The following IQCK variants were observed in gnomAD, a reference collection of about 807,000 sequenced individuals.
The protein encoded by IQCK is IQ motif containing K, also known as IQ domain-containing protein K.
In IQCK, 29 loss-of-function variants were observed where a neutral mutation model predicts 28.1. The observed-to-expected ratio is 1.03, with a 90% CI of 0.77 to 1.41. The LOEUF is 1.41. Ranked by LOEUF, IQCK falls within the 40% of genes most tolerant of loss-of-function variation. The pLI is 0.00. For missense variants in IQCK, 359 were observed against 314.7 expected (o/e 1.14, Z -1.07); for synonymous variants, 113 against 115.1 (o/e 0.98, Z 0.12).
chr16:19,816,304 C>T lies in IQCK; in HGVS notation c.691-10722C>T, dbSNP rs567696820. Reference sequence around the variant, plus strand: ...ACAGCAACACTTCTTTTTTTTGAGACGGAGTCTTACTCTGTCACCCAGGCT... The same window carrying T: ...ACAGCAACACTTCTTTTTTTTGAGATGGAGTCTTACTCTGTCACCCAGGCT... On this transcript the variant is annotated intron_variant, in intron 7 of 7. Coordinates refer to ENST00000564186, the Ensembl canonical transcript of IQCK. Among the ~76,000 whole-genome samples, 15 of 152,204 alleles carry T rather than the reference C, an allele frequency of 9.9e-5. No individual in the cohort carries two copies. The South Asian group carries it at 1.0e-3, about 11-fold the overall frequency.
downstream of IQCK, among the ~76,000 whole-genome samples, chr16:19,828,759 C>T (rs1388502758): frequency 1.3e-5 from 2 of 148,688 alleles, no homozygotes; most frequent in African/African-American, 2.5e-5. Context: ...CACCTGTAAT[C>T]CCAGCTACTT....
chr16:19,739,825 A>G (rs2054807281), intron 4 of IQCK, among the ~76,000 whole-genome samples: 1 of 152,082 alleles, frequency 6.6e-6, no homozygotes, highest in Non-Finnish European at 1.5e-5. Flanking sequence ...AAAAAAAAAA[A>G]GAGGAGCCCT....
intron 4 of IQCK, chr16:19,736,161 T>C (rs1171148786): frequency 6.6e-6 from 3 of 455,792 alleles, no homozygotes; most frequent in Admixed American, 2.3e-5. Context: ...CTGTCATGAA[T>C]GTAAACTGCT....
chr16:19,814,060 A>G (rs2055943782), intron 7 of IQCK, among the ~76,000 whole-genome samples: 1 of 152,008 alleles, frequency 6.6e-6, no homozygotes, highest in African/African-American at 2.4e-5. Flanking sequence ...TCTACTAAAA[A>G]TACAAAAAAA....
chr16:19,826,498 C>A (rs1327577815), intron 7 of IQCK, among the ~76,000 whole-genome samples: 2 of 152,146 alleles, frequency 1.3e-5, no homozygotes, highest in Non-Finnish European at 2.9e-5. Flanking sequence ...TTGCCTCAGC[C>A]TCCTAAGTAG....
At chr16:19,767,563 C>G (rs1247693419) in intron 6 of IQCK, among the ~76,000 whole-genome samples, 3 of 152,072 alleles carry the variant, frequency 2.0e-5, no homozygotes, top group Non-Finnish European at 4.4e-5. Context: ...TCAACATCCT[C>G]TCCGTGAGCA....
At chr16:19,751,261 C>G (rs564108671) in intron 4 of IQCK, among the ~76,000 whole-genome samples, 9 of 152,062 alleles carry the variant, frequency 5.9e-5, no homozygotes, top group South Asian at 4.2e-4. Flanking sequence ...GGCAGGCCTG[C>G]GTAGGTGGGT....
intron 9 of IQCK, among the ~76,000 whole-genome samples, chr16:19,851,597 T>C (rs2056483055): frequency 1.3e-5 from 2 of 152,152 alleles, no homozygotes; most frequent in African/African-American, 4.8e-5. Flanking sequence ...CTGAGTCTTA[T>C]TAGTATGCAA....
At chr16:19,813,295 TAG>T (rs2055931923) in intron 7 of IQCK, among the ~76,000 whole-genome samples, 1 of 152,150 alleles carries the variant, frequency 6.6e-6, no homozygotes, top group Admixed American at 6.5e-5. Context: ...GCAATATTCA[TAG>T]AGATATTGAG....
chr16:19,799,601 C>T (rs113781328), intron 7 of IQCK, among the ~76,000 whole-genome samples: 2,095 of 98,320 alleles, frequency 0.021, 108 homozygotes, highest in African/African-American at 0.065. Flanking sequence ...TATATATACA[C>T]ACACACACAC....
chr16:19,753,433 A>T (rs551261001), intron 4 of IQCK, among the ~76,000 whole-genome samples: 1 of 152,030 alleles, frequency 6.6e-6, no homozygotes, highest in Non-Finnish European at 1.5e-5. Flanking sequence ...CTCTAAAAAT[A>T]AAATAAATAA....
At chr16:19,775,163 A>G (rs779588039) in intron 6 of IQCK, among the ~76,000 whole-genome samples, 1 of 147,486 alleles carries the variant, frequency 6.8e-6, no homozygotes, top group Non-Finnish European at 1.5e-5. Context: ...GGAGGTGGAG[A>G]TTGCAGTGAG....
At chr16:19,815,923 A>G (rs2055983180) in intron 7 of IQCK, among the ~76,000 whole-genome samples, 1 of 152,208 alleles carries the variant, frequency 6.6e-6, no homozygotes, top group African/African-American at 2.4e-5. Context: ...AAAATCCTCC[A>G]GTATAATCAT....
rs577726422 is a variant in IQCK at position 19,727,316 on chromosome 16, A to G, written c.182-3114A>G. Among the ~76,000 whole-genome samples, 7 of 152,198 alleles carry G rather than the reference A, an allele frequency of 4.6e-5. No homozygotes were observed. The East Asian group carries it at 5.8e-4, about 13-fold the overall frequency. Reference sequence around the variant, plus strand: ...AATGTATTATGTATTATATACATATATTAGTAAATACATTGGAATCCTACC... The same window carrying G: ...AATGTATTATGTATTATATACATATGTTAGTAAATACATTGGAATCCTACC... On this transcript the variant is annotated intron_variant, in intron 1 of 7. Coordinates refer to ENST00000564186, the Ensembl canonical transcript of IQCK.
rs181374073 is a variant in IQCK at position 19,840,282 on chromosome 16, G to A, written c.802+13145G>A. On this transcript the variant is annotated intron_variant, in intron 9 of 9. Transcript: ENST00000320394. Reference sequence around the variant, plus strand: ...GAAGCAGGAGAATCGCTTAAACCCGGGAGGTGGAGGTTGCAGTGAGCCAAG... The same window carrying A: ...GAAGCAGGAGAATCGCTTAAACCCGAGAGGTGGAGGTTGCAGTGAGCCAAG... Among the ~76,000 whole-genome samples the A allele has an allele frequency of 7.2e-3, 1,098 of 152,196 alleles. 7 individuals are homozygous for A. The highest frequency in any genetic ancestry group is 0.024 in the Middle Eastern group (7 of 294).
intron 6 of IQCK, among the ~76,000 whole-genome samples, chr16:19,774,943 C>T (rs973225891): frequency 3.3e-5 from 5 of 151,958 alleles, no homozygotes; most frequent in African/African-American, 1.2e-4. Context: ...ATTTTTAAGG[C>T]CGGGCGTGGT....
At chr16:19,770,507 A>G (rs1255138295) in intron 6 of IQCK, among the ~76,000 whole-genome samples, 3 of 152,010 alleles carry the variant, frequency 2.0e-5, no homozygotes, top group Non-Finnish European at 4.4e-5. Flanking sequence ...CTGCCTTTTC[A>G]AGCTTTGAGA....
At chr16:19,792,874 C>T (rs561904529) in intron 7 of IQCK, among the ~76,000 whole-genome samples, 3 of 115,248 alleles carry the variant, frequency 2.6e-5, no homozygotes, top group Non-Finnish European at 4.6e-5. Flanking sequence ...CCACTGCACC[C>T]GGCCACACTG....
intron 7 of IQCK, among the ~76,000 whole-genome samples, chr16:19,822,073 A>C (rs201952767): frequency 1.4e-5 from 2 of 145,348 alleles, no homozygotes; most frequent in East Asian, 2.0e-4. Context: ...GTCTCAAAAA[A>C]AAAAAAAAAA....
Sources: allele counts gnomAD v4.1 joint callset (sites outside exome capture counted in the v4.1 genomes callset), GRCh38; gene constraint gnomAD v4.1.1; transcripts MANE v1.5; gene names NCBI Gene and HGNC (gene_info 2026-07-23, HGNC 2026-07-21).